AARS1: variants seen among roughly 807,000 people sequenced by gnomAD.
AARS1 encodes alanine--tRNA ligase, cytoplasmic.
Under a neutral mutation model 108.9 loss-of-function variants are expected in AARS1, and 72 were observed. The observed-to-expected ratio is 0.66, with a 90% CI of 0.55 to 0.80. AARS1 has a LOEUF of 0.80. AARS1 is among the 30% of genes least tolerant of loss of function. AARS1 has a pLI of 0.00. For missense variants in AARS1, 1,193 were observed against 1,233.2 expected, an observed-to-expected ratio of 0.97 and a Z score of 0.49; for synonymous variants, 489 against 465.7, an observed-to-expected ratio of 1.05 and a Z score of -0.64.
intron 14 of AARS1, 71 bp downstream of exon 14, chr16:70,258,909 C>T (rs143855726): frequency 3.7e-5 from 55 of 1,504,590 alleles, no homozygotes; most frequent in East Asian, 6.8e-5. Flanking sequence ...GTGAGAGCAC[C>T]GCACTGCTAA....
intron 12 of AARS1, 89 bp downstream of exon 12, chr16:70,262,257 C>T: frequency 6.5e-7 from 1 of 1,532,030 alleles, no homozygotes; most frequent in Non-Finnish European, 9.0e-7. Context: ...CAGGTCTGCT[C>T]CCAAGGCCTG....
intron 7 of AARS1, 47 bp from the exon 8 acceptor site, chr16:70,268,426 T>G (rs1302680872): frequency 6.5e-7 from 1 of 1,540,784 alleles, no homozygotes; most frequent in Admixed American, 1.7e-5. Context: ...CTGAGGGTTT[T>G]GTCTTGAGTC....
At chr16:70,267,833 G>A in intron 8 of AARS1, 24 bp from the exon 9 acceptor site, 1 of 1,614,110 alleles carries the variant, frequency 6.2e-7, no homozygotes, top group South Asian at 1.1e-5. Flanking sequence ...AGCAAGATGA[G>A]GGGCTGGATG....
intron 2 of AARS1, among the ~76,000 whole-genome samples, chr16:70,278,918 C>G (rs966768840): frequency 6.6e-6 from 1 of 152,160 alleles, no homozygotes; most frequent in African/African-American, 2.4e-5. Flanking sequence ...TGAGCATGGA[C>G]AACTGACTTG....
At chr16:70,275,358 G>A (rs924410897) in intron 4 of AARS1, among the ~76,000 whole-genome samples, 8 of 152,116 alleles carry the variant, frequency 5.3e-5, no homozygotes, top group African/African-American at 7.2e-5. Context: ...ACTCATGCCT[G>A]TAATCCCAGC....
At position 70,252,440 on chromosome 16, in the gene AARS1, T is replaced by G. The variant is rs1037532382; in HGVS notation, c.*281A>C. ...TGCAGCAAAAACGATTCCTACTTGC[T>G]GACGCGGAAAGCTCAGGTCTGGAGA... On this transcript the variant is annotated 3_prime_UTR_variant, in exon 21 of 21. Coordinates refer to ENST00000261772, the MANE Select transcript of AARS1 (RefSeq NM_001605.3). The G allele has an allele frequency of 4.8e-5, 25 of 515,522 alleles. No individual in the cohort carries two copies. Among genetic ancestry groups the G allele is most frequent in the African/African-American group, 3.8e-4 (20 of 52,246 alleles). 31.9% of individuals were successfully genotyped at this position (515,522 alleles called of 1,614,324 possible). A position where few individuals can be genotyped will look rare whatever the true frequency, so the allele number is the denominator to read the frequency against.
intron 1 of AARS1, among the ~76,000 whole-genome samples, chr16:70,284,428 C>T (rs1960791184): frequency 6.6e-6 from 1 of 150,818 alleles, no homozygotes; most frequent in Admixed American, 6.7e-5. Flanking sequence ...TGGTGAAACC[C>T]CGTCTCTACT....
Position 70,265,574 on chromosome 16 carries a change from G to T in AARS1, c.1311C>A (p.Asp437Glu). The change falls in exon 10 of 21, where the codon GAC (aspartate) becomes GAA (glutamate). Residue 437 changes from aspartate (D) to glutamate (E), a missense_variant. Coordinates refer to ENST00000261772, the MANE Select transcript of AARS1 (RefSeq NM_001605.3). ...TCCTCTCCTCTTCAAAGCCATCCAT[G>T]TCTACCACCAGGCCCTTCTCTTCAG... ...LIAEEKGLVV[D>E]MDGFEEERKL... is the part of the protein sequence containing the mutation. 6.2e-7 allele frequency: 1 copy of T among 1,613,984 alleles called. No individual in the cohort carries two copies.
At chr16:70,276,354 T>C in intron 4 of AARS1, 132 bp downstream of exon 4, 1 of 1,030,888 alleles carries the variant, frequency 9.7e-7, no homozygotes, top group Non-Finnish European at 1.5e-6. Context: ...CTAGCCTCAC[T>C]CCTCCCCATG....
At chr16:70,275,076 A>G (rs1026074358) in intron 4 of AARS1, among the ~76,000 whole-genome samples, 1 of 151,220 alleles carries the variant, frequency 6.6e-6, no homozygotes, top group African/African-American at 2.4e-5. Flanking sequence ...CCTGGCTAAC[A>G]TGGTGAAATC....
At chr16:70,253,241 T>C (rs763869960) in intron 20 of AARS1, 27 bp downstream of exon 20, 1 of 1,555,496 alleles carries the variant, frequency 6.4e-7, no homozygotes, top group Non-Finnish European at 8.9e-7. Flanking sequence ...GACCTAACAC[T>C]TCCCACTGGT....
intron 2 of AARS1, among the ~76,000 whole-genome samples, chr16:70,281,466 G>C (rs1960694413): frequency 1.3e-5 from 2 of 152,072 alleles, no homozygotes; most frequent in African/African-American, 4.8e-5. Context: ...AGGAGTTCGA[G>C]AACAACCTGG....
chr16:70,280,338 T>A (rs2152169014), intron 2 of AARS1, among the ~76,000 whole-genome samples: 1 of 152,274 alleles, frequency 6.6e-6, no homozygotes, highest in South Asian at 2.1e-4. Context: ...TGCCTCAGCC[T>A]CCCAAGTAGC....
rs780609058 is a variant in AARS1 at position 70,282,692 on chromosome 16, C to T, written c.72G>A (p.Thr24=). ...GGATGGTGGCAGACGAGTGAACATA[C>T]GTATGCTCGTTCCTCTTGAAGAAAT... The part of the protein sequence containing the change: ...FIDFFKRNEH[T]YVHSSATIPL... The change falls in exon 2 of 21, where the codon ACG becomes ACA. Residue 24 remains threonine, a synonymous_variant. Coordinates refer to ENST00000261772, the MANE Select transcript of AARS1 (RefSeq NM_001605.3). The T allele has an allele frequency of 2.0e-5, 33 of 1,613,948 alleles. 1 individual carries two copies. The highest frequency in any genetic ancestry group is 1.6e-4 in the Middle Eastern group (1 of 6,082).
chr16:70,285,191 T>C (rs1311794437), intron 1 of AARS1, among the ~76,000 whole-genome samples: 2 of 149,780 alleles, frequency 1.3e-5, no homozygotes, highest in Admixed American at 6.7e-5. Flanking sequence ...ATTGCGCCAC[T>C]GCACTCCAGC....
At chr16:70,271,021 A>C (rs1331029241) in intron 5 of AARS1, among the ~76,000 whole-genome samples, 2 of 151,212 alleles carry the variant, frequency 1.3e-5, no homozygotes, top group African/African-American at 2.4e-5. Flanking sequence ...GCATGGTGGC[A>C]TGCACCTGTA....
At chr16:70,289,245 C>T (rs1041974667) in intron 1 of AARS1, among the ~76,000 whole-genome samples, 176 bp downstream of exon 1, 1 of 152,138 alleles carries the variant, frequency 6.6e-6, no homozygotes, top group Non-Finnish European at 1.5e-5. Context: ...ACACTCGCAG[C>T]GCTCCCGGGG....
At chr16:70,283,470 A>T (rs972069341) in intron 1 of AARS1, among the ~76,000 whole-genome samples, 1 of 151,720 alleles carries the variant, frequency 6.6e-6, no homozygotes, top group Non-Finnish European at 1.5e-5. Flanking sequence ...CCAACTGGGG[A>T]AGAGGGAGAG....
chr16:70,252,965 C>G, intron 20 of AARS1, 59 bp from the exon 21 acceptor site: 1 of 1,564,684 alleles, frequency 6.4e-7, no homozygotes, highest in Non-Finnish European at 8.8e-7. Context: ...GGGAGGAATG[C>G]AGGGAAAGAA....
Sources: gnomAD v4.1 joint callset for allele counts (sites outside exome capture counted in the v4.1 genomes callset) on GRCh38, gnomAD v4.1.1 for gene constraint, MANE v1.5 for transcripts, NCBI Gene and HGNC (gene_info 2026-07-23, HGNC 2026-07-21) for gene names.